Variants in TTC34 observed in about 807,000 individuals in gnomAD.
TTC34 encodes the protein tetratricopeptide repeat domain 34, also known as tetratricopeptide repeat protein 34.
TTC34 carries 44 observed loss-of-function variants against 40.7 expected under a neutral mutation model. That is an observed-to-expected ratio of 1.08 (90% CI 0.85 to 1.39). TTC34 has a LOEUF of 1.39. TTC34 is among the 40% of genes most tolerant of loss of function. TTC34 has a pLI of 0.00. For synonymous variants in TTC34, 422 were observed against 398.6 expected (o/e 1.06, Z -0.70); for missense variants, 884 against 838.0 (o/e 1.05, Z -0.68).
chr1:2,783,661 A>G, exon 6 of TTC34: 1 of 1,532,666 alleles, frequency 6.5e-7, no homozygotes, highest in Non-Finnish European at 8.8e-7. Context: ...CAGTGCCTGC[A>G]CGTTCCCCGG....
intron 6 of TTC34, among the ~76,000 whole-genome samples, chr1:2,694,833 C>T (rs1292071535): frequency 1.0e-5 from 1 of 95,308 alleles, no homozygotes; most frequent in African/African-American, 3.5e-5. Context: ...CACCCACACC[C>T]CCAGGTGAGC....
At chr1:2,683,371 G>A (rs1219645323) in intron 6 of TTC34, among the ~76,000 whole-genome samples, 27 of 44,780 alleles carry the variant, frequency 6.0e-4, no homozygotes, top group Middle Eastern at 0.022. Flanking sequence ...AGCATCTGAT[G>A]GCTTGGAACA....
At chr1:2,771,767 C>A (rs1230020020) in intron 6 of TTC34, among the ~76,000 whole-genome samples, 1 of 128,550 alleles carries the variant, frequency 7.8e-6, no homozygotes, top group African/African-American at 3.4e-5. Flanking sequence ...TCCACACCCC[C>A]AGGTGAGCAT....
At chr1:2,687,568 G>A (rs28636965) in intron 6 of TTC34, among the ~76,000 whole-genome samples, 3 of 90,052 alleles carry the variant, frequency 3.3e-5, no homozygotes, top group Admixed American at 1.2e-4. Context: ...ACGCTGCACC[G>A]CCAGGTGACG....
In TTC34 at chr1:2,637,851, T is replaced by G. The variant is rs528701084; in HGVS notation, c.*3517A>C. ...GGATGCACAGTTTAACTCTGAGTTG[T>G]GTGACTGCTGTGTGGCTCACACTCA... is the stretch of plus-strand genomic sequence containing the variant. On this transcript the variant is annotated 3_prime_UTR_variant, in exon 9 of 9. Transcript: ENST00000401095. 2.0e-5 allele frequency: 3 copies of G among 152,346 alleles called. No homozygotes were observed. In the East Asian group the frequency reaches 5.8e-4, roughly 29 times the overall value. The allele number at this position is 152,346 out of a possible 1,614,324, so 9.4% of individuals were successfully genotyped here. A position where few individuals can be genotyped will look rare whatever the true frequency, so the allele number is the denominator to read the frequency against.
chr1:2,784,593 A>G (rs1182739899), intron 5 of TTC34, among the ~76,000 whole-genome samples: 1 of 152,180 alleles, frequency 6.6e-6, no homozygotes, highest in East Asian at 1.9e-4. Flanking sequence ...AGGGGCCCTC[A>G]AGCAGCCCTT....
chr1:2,799,546 A>G (rs1643750907), intron 2 of TTC34, among the ~76,000 whole-genome samples: 2 of 152,004 alleles, frequency 1.3e-5, no homozygotes. Context: ...TCCATCTCAA[A>G]AAAAAAAATG....
At chr1:2,652,479 C>CCTG (rs1639178089) in intron 6 of TTC34, among the ~76,000 whole-genome samples, 1 of 150,756 alleles carries the variant, frequency 6.6e-6, no homozygotes, top group Non-Finnish European at 1.5e-5. Flanking sequence ...GGAGCAGAAC[C>CCTG]CACACCCCCA....
At chr1:2,656,390 CTGACA>C (rs1639347986) in intron 6 of TTC34, among the ~76,000 whole-genome samples, 1 of 54,004 alleles carries the variant, frequency 1.9e-5, no homozygotes, top group Non-Finnish European at 3.5e-5. Flanking sequence ...AGGTGAGCAT[CTGACA>C]GCATGTAACA....
At chr1:2,685,199 C>G (rs187889625) in intron 6 of TTC34, among the ~76,000 whole-genome samples, 12 of 43,448 alleles carry the variant, frequency 2.8e-4, no homozygotes, top group African/African-American at 8.8e-4. Flanking sequence ...GCACCCACAC[C>G]CCCAGGTGAG....
chr1:2,783,416 C>T (rs1643518638), intron 6 of TTC34, among the ~76,000 whole-genome samples, 193 bp downstream of exon 6: 1 of 152,212 alleles, frequency 6.6e-6, no homozygotes, highest in Non-Finnish European at 1.5e-5. Flanking sequence ...GGCAGGACTC[C>T]CAGAAACTGG....
At chr1:2,685,762 C>G (rs1640307645) in intron 6 of TTC34, among the ~76,000 whole-genome samples, 4 of 144,470 alleles carry the variant, frequency 2.8e-5, no homozygotes, top group South Asian at 4.4e-4. Context: ...CCCACACCCA[C>G]AGGTGAGCAT....
intron 6 of TTC34, among the ~76,000 whole-genome samples, chr1:2,654,138 G>A (rs1639250246): frequency 6.6e-6 from 1 of 152,110 alleles, no homozygotes; most frequent in Admixed American, 6.5e-5. Context: ...ACCCCCAGGC[G>A]AGCATCTGAA....
At chr1:2,780,128 G>T (rs1209886167) in intron 6 of TTC34, among the ~76,000 whole-genome samples, 3 of 151,984 alleles carry the variant, frequency 2.0e-5, no homozygotes, top group Non-Finnish European at 4.4e-5. Flanking sequence ...AATTGAATTG[G>T]GTTTTTGGCT....
intron 6 of TTC34, among the ~76,000 whole-genome samples, chr1:2,683,435 C>T (rs367641442): frequency 2.0e-5 from 3 of 150,226 alleles, no homozygotes; most frequent in African/African-American, 7.3e-5. Context: ...CCCTTCACCC[C>T]CAGGTGAGCA....
At chr1:2,753,251 C>A (rs1641385909) in intron 6 of TTC34, among the ~76,000 whole-genome samples, 20 of 126,884 alleles carry the variant, frequency 1.6e-4, no homozygotes, top group Admixed American at 4.0e-4. Flanking sequence ...GAGCAGCACC[C>A]ACACCCCAGG....
At chr1:2,786,074 A>T (rs1643584455) in intron 4 of TTC34, 51 bp from the exon 5 acceptor site, 1 of 1,407,496 alleles carries the variant, frequency 7.1e-7, no homozygotes, top group South Asian at 1.6e-5. Context: ...GATGCCCTGG[A>T]GCCCACCCTG....
At chr1:2,752,747 T>C (rs1172404487) in intron 6 of TTC34, among the ~76,000 whole-genome samples, 10 of 108,862 alleles carry the variant, frequency 9.2e-5, no homozygotes, top group East Asian at 3.4e-4. Context: ...CAGGACAGCA[T>C]CTGACAGCGT....
intron 6 of TTC34, among the ~76,000 whole-genome samples, chr1:2,683,194 C>A (rs1359486866): frequency 2.7e-5 from 4 of 145,946 alleles, no homozygotes; most frequent in African/African-American, 7.7e-5. Context: ...CCCACGGCCA[C>A]AGGCGAGCAT....
Sources: allele counts gnomAD v4.1 joint callset (sites outside exome capture counted in the v4.1 genomes callset), GRCh38; gene constraint gnomAD v4.1.1; transcripts MANE v1.5; gene names NCBI Gene and HGNC (gene_info 2026-07-23, HGNC 2026-07-21).